STX18: variants seen among roughly 807,000 people sequenced by gnomAD.
STX18 encodes syntaxin-18.
In STX18, 40 loss-of-function variants were observed where a neutral mutation model predicts 50.1. That is an observed-to-expected ratio of 0.80 (90% CI 0.62 to 1.04). STX18 has a LOEUF of 1.04. Among genes scored for constraint, STX18 ranks in the 50% least tolerant of loss-of-function variants. The pLI is 0.00. For synonymous variants in STX18, 158 were observed against 151.8 expected (o/e 1.04, Z -0.30); for missense variants, 410 against 415.8 (o/e 0.99, Z 0.12).
At chr4:4,425,888 G>GAATTTGGCCCATTTC (rs1725220641) in intron 7 of STX18, 1 of 152,540 alleles carries the variant, frequency 6.6e-6, no homozygotes, top group Admixed American at 6.5e-5. Context: ...ATTCTTGCCA[G>GAATTTGGCCCATTTC]TTTGATATGG....
intron 1 of STX18, among the ~76,000 whole-genome samples, chr4:4,482,215 C>T (rs1728495224): frequency 6.6e-6 from 1 of 152,202 alleles, no homozygotes; most frequent in Non-Finnish European, 1.5e-5. Context: ...TTTACATGTT[C>T]TTGCTAAGCT....
chr4:4,484,028 A>AT (rs58667313), intron 1 of STX18, among the ~76,000 whole-genome samples: 42 of 151,948 alleles, frequency 2.8e-4, no homozygotes, highest in Admixed American at 9.8e-4. Context: ...TGCCCAGCTA[A>AT]TTTTTTTGTA....
At chr4:4,430,132 G>A (rs538008368) in intron 7 of STX18, among the ~76,000 whole-genome samples, 7 of 152,294 alleles carry the variant, frequency 4.6e-5, no homozygotes, top group South Asian at 2.1e-4. Flanking sequence ...GAAATTTATT[G>A]TGCAAATCAT....
At chr4:4,540,281 C>G (rs562906825) in intron 1 of STX18, among the ~76,000 whole-genome samples, 26 of 152,226 alleles carry the variant, frequency 1.7e-4, no homozygotes, top group Non-Finnish European at 3.4e-4. Context: ...CTGGTGCTTT[C>G]TCTACCAGAT....
At chr4:4,439,193 CATAT>C (rs955936528) in intron 5 of STX18, among the ~76,000 whole-genome samples, 3 of 128,170 alleles carry the variant, frequency 2.3e-5, no homozygotes, top group Non-Finnish European at 3.1e-5. Flanking sequence ...ACACATACCC[CATAT>C]ATATACATAC....
chr4:4,474,165 A>G (rs1330427621), intron 1 of STX18, among the ~76,000 whole-genome samples: 1 of 151,354 alleles, frequency 6.6e-6, no homozygotes, highest in African/African-American at 2.4e-5. Flanking sequence ...CTCACCCTAC[A>G]CTCCCAGCTG....
At chr4:4,518,780 C>T (rs564258045) in intron 1 of STX18, among the ~76,000 whole-genome samples, 7 of 152,196 alleles carry the variant, frequency 4.6e-5, no homozygotes, top group African/African-American at 1.4e-4. Context: ...CAGTTCTAGC[C>T]TAGCTCTAGC....
chr4:4,496,392 C>A (rs1164101861), intron 1 of STX18, among the ~76,000 whole-genome samples: 3 of 152,166 alleles, frequency 2.0e-5, no homozygotes, highest in Non-Finnish European at 2.9e-5. Context: ...TCCTGCTGAA[C>A]CACTGCAGCC....
chr4:4,447,316 G>A (rs973739020), intron 5 of STX18, among the ~76,000 whole-genome samples: 4 of 150,366 alleles, frequency 2.7e-5, no homozygotes, highest in African/African-American at 9.8e-5. Context: ...TGGGCCGGGC[G>A]CGGTGGCTCA....
intron 1 of STX18, among the ~76,000 whole-genome samples, chr4:4,539,858 G>T (rs1731498905): frequency 6.6e-6 from 1 of 152,028 alleles, no homozygotes; most frequent in Non-Finnish European, 1.5e-5. Flanking sequence ...CTCTCCAAAG[G>T]GCTTGCCAAC....
At chr4:4,506,093 A>C (rs1022989940) in intron 1 of STX18, among the ~76,000 whole-genome samples, 2 of 152,210 alleles carry the variant, frequency 1.3e-5, no homozygotes, top group Non-Finnish European at 2.9e-5. Context: ...TGTTTTCACT[A>C]CTTGAGTATT....
At chr4:4,461,440 A>T (rs1045418083) in intron 2 of STX18, among the ~76,000 whole-genome samples, 2 of 151,962 alleles carry the variant, frequency 1.3e-5, no homozygotes, top group East Asian at 1.9e-4. Context: ...TGTCATTATT[A>T]AAAAAAAATT....
At chr4:4,507,793 A>C (rs1483281851) in intron 1 of STX18, 11 of 935,754 alleles carry the variant, frequency 1.2e-5, no homozygotes, top group Non-Finnish European at 1.8e-5. Context: ...AACAAAAATG[A>C]CTAAATAAAA....
Position 4,426,990 on chromosome 4 carries a change from C to T in STX18, c.703-1768G>A, listed in dbSNP as rs924318822. On this transcript the variant is annotated intron_variant, in intron 7 of 10. Coordinates refer to ENST00000306200, the MANE Select transcript of STX18 (RefSeq NM_016930.4). ...TTCCTAGCGATCTGATACCTCAGGG[C>T]AGACTGAATCACCTTCTCTTACTTT... Among the ~76,000 whole-genome samples, 5 of 152,176 alleles carry T rather than the reference C, an allele frequency of 3.3e-5. No individual in the cohort carries two copies. In the East Asian group the frequency reaches 9.6e-4, roughly 29 times the overall value.
rs1728323647 is a variant in STX18, at chr4:4,478,863, GT to G, written c.169-7158del. Reference sequence around the variant, plus strand: ...TCAGATCGACCAGCCAGCAGAGAGGGTATATTCTGGCCCATGCCCCACTCGT... The same window carrying G: ...TCAGATCGACCAGCCAGCAGAGAGGGATATTCTGGCCCATGCCCCACTCGT... On this transcript the variant is annotated intron_variant, in intron 1 of 10. Coordinates refer to ENST00000306200, the MANE Select transcript of STX18 (RefSeq NM_016930.4). 2 of 152,524 alleles carry G rather than the reference GT, an allele frequency of 1.3e-5. 1 individual carries two copies. Among genetic ancestry groups the G allele is most frequent in the South Asian group, 4.1e-4 (2 of 4,826 alleles). 9.4% of individuals were successfully genotyped at this position (152,524 alleles called of 1,614,324 possible).
chr4:4,533,039 G>A (rs1286323934), intron 1 of STX18, among the ~76,000 whole-genome samples: 1 of 152,148 alleles, frequency 6.6e-6, no homozygotes, highest in Non-Finnish European at 1.5e-5. Context: ...GCAAACTTTA[G>A]TATTCATAGT....
chr4:4,504,829 C>T (rs1729624585), intron 1 of STX18, among the ~76,000 whole-genome samples: 1 of 151,918 alleles, frequency 6.6e-6, no homozygotes, highest in Non-Finnish European at 1.5e-5. Flanking sequence ...TGTGAAATAA[C>T]TAGAATTCTC....
Position 4,489,391 on chromosome 4 carries a change from A to ATTTTTTTTTTTTTT in STX18, c.169-17699_169-17686dup, listed in dbSNP as rs34563523. The stretch of plus-strand genomic sequence containing the variant: ...AGCACTTCAATACACATGCAAAATA[A>ATTTTTTTTTTTTTT]TTTTTTTTTTTTTTTTTTTTTTTTT... On this transcript the variant is annotated intron_variant, in intron 1 of 10. Transcript: ENST00000306200. Among the ~76,000 whole-genome samples, 29 of 51,676 alleles carry ATTTTTTTTTTTTTT rather than the reference A, an allele frequency of 5.6e-4. 4 individuals carry two copies. The highest frequency in any genetic ancestry group is 8.3e-4 in the Non-Finnish European group (22 of 26,642). The allele number at this position is 51,676 out of a possible 152,430, so 33.9% of individuals were successfully genotyped here. A position where few individuals can be genotyped will look rare whatever the true frequency, so the allele number is the denominator to read the frequency against.
intron 2 of STX18, among the ~76,000 whole-genome samples, chr4:4,465,513 C>T (rs545047028): frequency 7.9e-5 from 12 of 152,266 alleles, no homozygotes; most frequent in African/African-American, 2.6e-4. Flanking sequence ...GAACAGAAAA[C>T]CAAATACCAC....
Sources: gnomAD v4.1 joint callset for allele counts (sites outside exome capture counted in the v4.1 genomes callset) on GRCh38, gnomAD v4.1.1 for gene constraint, MANE v1.5 for transcripts, NCBI Gene and HGNC (gene_info 2026-07-23, HGNC 2026-07-21) for gene names.